Variants in GRIA4 observed in about 807,000 individuals in gnomAD.
GRIA4 encodes the protein glutamate receptor 4.
In GRIA4, 34 loss-of-function variants were observed where a neutral mutation model predicts 104.0. The ratio of observed to expected loss-of-function variants is 0.33; its 90% CI spans 0.25 to 0.44. The LOEUF (loss-of-function observed/expected upper bound fraction) is 0.44, where lower values mean the gene tolerates loss of function less well. Among genes scored for constraint, GRIA4 ranks in the 20% least tolerant of loss-of-function variants. The pLI, the probability that GRIA4 is intolerant of heterozygous loss-of-function variation, is 1.00. For missense variants in GRIA4, 750 were observed against 1,096.5 expected, an observed-to-expected ratio of 0.68 and a Z score of 4.46; for synonymous variants, 386 against 381.9, an observed-to-expected ratio of 1.01 and a Z score of -0.13.
intron 4 of GRIA4, among the ~76,000 whole-genome samples, chr11:105,785,012 T>C (rs1030373165): frequency 1.3e-5 from 2 of 152,130 alleles, no homozygotes; most frequent in Non-Finnish European, 2.9e-5. Context: ...AAATCTACCA[T>C]GTATTAAGCC....
chr11:105,728,598 T>A (rs1304022882), intron 3 of GRIA4, among the ~76,000 whole-genome samples: 2 of 152,100 alleles, frequency 1.3e-5, no homozygotes, highest in Admixed American at 1.3e-4. Flanking sequence ...GACCGTATAA[T>A]TGGAAGTAAA....
intron 5 of GRIA4, among the ~76,000 whole-genome samples, chr11:105,874,848 G>A (rs529434314): frequency 6.6e-6 from 1 of 152,308 alleles, no homozygotes; most frequent in African/African-American, 2.4e-5. Context: ...ATACAATCAT[G>A]TCATCTGCAA....
chr11:105,651,343 T>A (rs1951681015), intron 3 of GRIA4, among the ~76,000 whole-genome samples: 1 of 141,038 alleles, frequency 7.1e-6, no homozygotes, highest in Non-Finnish European at 1.6e-5. Flanking sequence ...TATTTCTGAA[T>A]CTGTGATTCC....
chr11:105,868,228 G>GAATA (rs1002971604), intron 5 of GRIA4, among the ~76,000 whole-genome samples: 1 of 152,106 alleles, frequency 6.6e-6, no homozygotes, highest in African/African-American at 2.4e-5. Flanking sequence ...AGGGGTAAGG[G>GAATA]TATTCCAAGA....
chr11:105,839,825 T>C (rs1944330233), intron 4 of GRIA4, among the ~76,000 whole-genome samples: 1 of 152,168 alleles, frequency 6.6e-6, no homozygotes, highest in Non-Finnish European at 1.5e-5. Flanking sequence ...AATTCTCTAA[T>C]TAATTATAAT....
At chr11:105,928,536 C>A (rs190995002) in intron 13 of GRIA4, among the ~76,000 whole-genome samples, 2 of 150,234 alleles carry the variant, frequency 1.3e-5, no homozygotes, top group Non-Finnish European at 3.0e-5. Flanking sequence ...CGGTTTATAA[C>A]TGCTCCCATC....
chr11:105,647,547 G>A (rs1392311002), intron 3 of GRIA4, among the ~76,000 whole-genome samples: 1 of 152,088 alleles, frequency 6.6e-6, no homozygotes, highest in Non-Finnish European at 1.5e-5. Flanking sequence ...CAACCTAAAT[G>A]CCCATCAGTG....
At chr11:105,845,438 T>TG (rs1944547979) in intron 4 of GRIA4, among the ~76,000 whole-genome samples, 1 of 152,124 alleles carries the variant, frequency 6.6e-6, no homozygotes, top group African/African-American at 2.4e-5. Flanking sequence ...GAGGGAACCT[T>TG]GACCCCTGCA....
chr11:105,611,068 C>T lies in GRIA4; in HGVS notation c.71C>T (p.Pro24Leu), dbSNP rs778832025. The T allele has an allele frequency of 8.1e-6, 13 of 1,612,816 alleles. No homozygotes were observed. The highest frequency in any genetic ancestry group is 1.1e-5 in the Non-Finnish European group (13 of 1,179,030). ...GFWGLAMGAFPSSVQIGGLFI... is the reference protein window; with the variant it reads ...GFWGLAMGAFLSSVQIGGLFI... ...TGGGGACTCGCCATGGGAGCCTTTC[C>T]GAGCAGCGTGCAAATAGGTAAGGTG... The change falls in exon 2 of 17, where the codon CCG becomes CTG. Residue 24 changes from proline to leucine, a missense_variant. Around this residue, in one of 3 missense-constraint regions of GRIA4, gnomAD observed 410 missense variants for 502.7 expected, o/e 0.82. Coordinates refer to ENST00000282499, the MANE Select transcript of GRIA4 (RefSeq NM_000829.4).
At chr11:105,960,962 G>A (rs1195205953) in intron 14 of GRIA4, among the ~76,000 whole-genome samples, 2 of 152,132 alleles carry the variant, frequency 1.3e-5, no homozygotes, top group African/African-American at 4.8e-5. Context: ...TGATGAGAGA[G>A]AGCCTGGATA....
chr11:105,933,695 ATTTAAT>A (rs1947951145), intron 13 of GRIA4, 21 bp from the exon 14 acceptor site: 1 of 1,488,408 alleles, frequency 6.7e-7, no homozygotes, highest in African/African-American at 1.4e-5. Flanking sequence ...TCTTTCCTGT[ATTTAAT>A]TTTATTTTAA....
chr11:105,891,098 C>T (rs1056474607), intron 6 of GRIA4, among the ~76,000 whole-genome samples: 86 of 152,226 alleles, frequency 5.6e-4, no homozygotes, highest in African/African-American at 2.0e-3. Flanking sequence ...AATTGCTTCC[C>T]TAATTTGCCC....
At chr11:105,692,513 C>A (rs1441626906) in intron 3 of GRIA4, among the ~76,000 whole-genome samples, 1 of 152,180 alleles carries the variant, frequency 6.6e-6, no homozygotes, top group African/African-American at 2.4e-5. Flanking sequence ...TAAGATCAAC[C>A]TGGAAAAATC....
intron 10 of GRIA4, among the ~76,000 whole-genome samples, chr11:105,918,308 C>T (rs547390654): frequency 3.9e-5 from 6 of 152,108 alleles, no homozygotes; most frequent in African/African-American, 1.4e-4. Flanking sequence ...AAACCTGTGA[C>T]CTTGAATTAG....
At chr11:105,808,081 A>C (rs1224052322) in intron 4 of GRIA4, among the ~76,000 whole-genome samples, 2 of 151,946 alleles carry the variant, frequency 1.3e-5, no homozygotes, top group Middle Eastern at 3.2e-3. Flanking sequence ...AAAGAGATAG[A>C]TCCTACTCTG....
At chr11:105,725,413 C>G (rs561355351) in intron 3 of GRIA4, among the ~76,000 whole-genome samples, 4 of 152,086 alleles carry the variant, frequency 2.6e-5, no homozygotes, top group African/African-American at 9.7e-5. Context: ...CTGGTTTCAG[C>G]CTTGCACATA....
At chr11:105,815,298 C>T (rs1406988131) in intron 4 of GRIA4, among the ~76,000 whole-genome samples, 1 of 152,182 alleles carries the variant, frequency 6.6e-6, no homozygotes, top group African/African-American at 2.4e-5. Context: ...GAAGTACATT[C>T]ATCCATTTGG....
At chr11:105,841,703 G>A (rs626633) in intron 4 of GRIA4, among the ~76,000 whole-genome samples, 16,306 of 152,164 alleles carry the variant, frequency 0.11, 1,443 homozygotes, top group African/African-American at 0.25. Flanking sequence ...GGCAAGTCCA[G>A]ATGGGTGCCT....
At chr11:105,897,298 T>C (rs1038497617) in intron 6 of GRIA4, among the ~76,000 whole-genome samples, 1 of 152,124 alleles carries the variant, frequency 6.6e-6, no homozygotes, top group Non-Finnish European at 1.5e-5. Context: ...TTATCAGACA[T>C]AGTAGTCTTC....
Sources: allele counts gnomAD v4.1 joint callset (sites outside exome capture counted in the v4.1 genomes callset), GRCh38; gene constraint gnomAD v4.1.1; regional missense constraint gnomAD v4.1.1; transcripts MANE v1.5; gene names NCBI Gene and HGNC (gene_info 2026-07-23, HGNC 2026-07-21).